The following NDRG3 variants were observed in gnomAD, a reference collection of about 807,000 sequenced individuals.
NDRG3 encodes the protein protein NDRG3.
A neutral mutation model predicts 57.2 loss-of-function variants in NDRG3; 23 were observed. The ratio of observed to expected loss-of-function variants is 0.40; its 90% CI spans 0.29 to 0.57. The LOEUF is 0.57. NDRG3 is among the 20% of genes least tolerant of loss of function. NDRG3 has a pLI of 0.42. For missense variants in NDRG3, 384 were observed against 457.3 expected, an observed-to-expected ratio of 0.84 and a Z score of 1.46; for synonymous variants, 132 against 162.6, an observed-to-expected ratio of 0.81 and a Z score of 1.43.
chr20:36,653,238 T>G lies in NDRG3; in HGVS notation c.*282A>C. 6.4e-6 allele frequency: 2 copies of G among 313,108 alleles called. No individual in the cohort carries two copies. Among genetic ancestry groups the G allele is most frequent in the Non-Finnish European group, 1.2e-5 (2 of 169,226 alleles). The allele number at this position is 313,108 out of a possible 1,614,324, so 19.4% of individuals were successfully genotyped here. A position where few individuals can be genotyped will look rare whatever the true frequency, so the allele number is the denominator to read the frequency against. On this transcript the variant is annotated 3_prime_UTR_variant, in exon 16 of 16. Coordinates refer to ENST00000349004, the MANE Select transcript of NDRG3 (RefSeq NM_032013.4). The surrounding 1 kb of genome is among the most constrained non-coding windows in gnomAD (Gnocchi z 4.2). ...GGATCAAAGAATCTTATCTGATACA[T>G]AGTTGGGGGAGCACGGGAAAAAGCT...
Position 36,656,344 on chromosome 20 carries a change from G to A in NDRG3, c.946+16C>T, listed in dbSNP as rs1158682181. On this transcript the variant is annotated intron_variant, in intron 15 of 15. Coordinates refer to ENST00000349004, the MANE Select transcript of NDRG3 (RefSeq NM_032013.4). ...TTCCTAAATCGTTGCTAGATAGAAA[G>A]TTGTGTACTACTCACTGTAGCCCAT... is the stretch of plus-strand genomic sequence containing the variant. 6.2e-7 allele frequency: 1 copy of A among 1,612,734 alleles called. No individual in the cohort carries two copies. Among genetic ancestry groups the A allele is most frequent in the Non-Finnish European group, 8.5e-7 (1 of 1,179,192 alleles).
At chr20:36,675,787 G>C (rs1471605153) in intron 8 of NDRG3, among the ~76,000 whole-genome samples, 1 of 152,088 alleles carries the variant, frequency 6.6e-6, no homozygotes, top group African/African-American at 2.4e-5. Flanking sequence ...CTCTCAAAGT[G>C]CTGAGATTAC....
At chr20:36,735,979 A>T (rs1229361247) in intron 1 of NDRG3, among the ~76,000 whole-genome samples, 1 of 151,434 alleles carries the variant, frequency 6.6e-6, no homozygotes, top group East Asian at 1.9e-4. Flanking sequence ...TCAAAAAAAA[A>T]AAAAAAAAAA....
In NDRG3 at chr20:36,706,996, TC is replaced by T. The variant is rs1370939645; in HGVS notation, c.68del (p.Arg23LysfsTer13). The T allele has an allele frequency of 6.2e-7, 1 of 1,613,572 alleles. No individual in the cohort carries two copies. Among genetic ancestry groups the T allele is most frequent in the East Asian group, 2.2e-5 (1 of 44,886 alleles). ...CCTGACAGTCAAAGTCCTGGAAGTT[TC>T]TTGTACCATTCTGTCAACAGAAGAC... is the stretch of plus-strand genomic sequence containing the variant. ...KPLLNDKNGT[R>X]NFQDFDCQEH... On this transcript the variant is annotated frameshift_variant, in exon 3 of 16. Coordinates refer to ENST00000349004, the MANE Select transcript of NDRG3 (RefSeq NM_032013.4). LOFTEE classifies it high-confidence loss of function.
chr20:36,738,822 C>CAA (rs1158908616), intron 1 of NDRG3, among the ~76,000 whole-genome samples: 8 of 81,808 alleles, frequency 9.8e-5, no homozygotes, highest in African/African-American at 3.6e-4. Flanking sequence ...AAAACTGTCT[C>CAA]AAAAAAAAAA....
intron 15 of NDRG3, chr20:36,654,825 G>A (rs1344467895): frequency 1.3e-6 from 1 of 779,782 alleles, no homozygotes; most frequent in Admixed American, 1.7e-5. Context: ...AGGTGACTGA[G>A]CTGCACATAC....
chr20:36,708,416 G>A (rs1361383228), intron 2 of NDRG3, among the ~76,000 whole-genome samples: 3 of 151,898 alleles, frequency 2.0e-5, no homozygotes, highest in Non-Finnish European at 2.9e-5. Flanking sequence ...TTGGGAGGCT[G>A]AGGGAAGTGG....
At chr20:36,712,786 GGGTTT>G (rs1187933950) in intron 2 of NDRG3, among the ~76,000 whole-genome samples, 13 of 151,282 alleles carry the variant, frequency 8.6e-5, no homozygotes, top group Non-Finnish European at 1.3e-4. Context: ...AATAGGGACA[GGGTTT>G]CACCATGTTG....
At chr20:36,684,369 G>A (rs1272111816) in intron 6 of NDRG3, 44 bp downstream of exon 6, 24 of 1,495,170 alleles carry the variant, frequency 1.6e-5, no homozygotes, top group Non-Finnish European at 2.2e-5. Context: ...ATTCACCATA[G>A]AAAGTCAATA....
intron 2 of NDRG3, among the ~76,000 whole-genome samples, chr20:36,717,783 A>T (rs956546131): frequency 6.6e-6 from 1 of 152,244 alleles, no homozygotes; most frequent in Non-Finnish European, 1.5e-5. Flanking sequence ...CCTCTATACC[A>T]GTGGTTCTTA....
intron 10 of NDRG3, among the ~76,000 whole-genome samples, chr20:36,665,894 C>T (rs1437832717): frequency 1.3e-5 from 2 of 152,094 alleles, no homozygotes; most frequent in African/African-American, 2.4e-5. Context: ...CCACGCCCAG[C>T]CCTAAGTGTT....
intron 8 of NDRG3, 64 bp from the exon 9 acceptor site, chr20:36,671,461 A>G: frequency 1.6e-6 from 2 of 1,261,516 alleles, no homozygotes; most frequent in Admixed American, 1.8e-5. Flanking sequence ...AAGCTGCCCA[A>G]TTAAAATGAG....
chr20:36,693,056 C>G (rs1419908515), intron 3 of NDRG3, among the ~76,000 whole-genome samples: 1 of 90,682 alleles, frequency 1.1e-5, no homozygotes, highest in Admixed American at 1.7e-4. Context: ...GCCGGGGTGA[C>G]AGCAAGACCC....
At chr20:36,708,540 T>C (rs1442388662) in intron 2 of NDRG3, among the ~76,000 whole-genome samples, 3 of 147,230 alleles carry the variant, frequency 2.0e-5, no homozygotes, top group Non-Finnish European at 3.0e-5. Context: ...CCCAGCTACT[T>C]GAGAGGCTGA....
At chr20:36,745,926 G>C (rs1006272697) in intron 1 of NDRG3, 119 bp downstream of exon 1, 1 of 249,114 alleles carries the variant, frequency 4.0e-6, no homozygotes, top group African/African-American at 2.3e-5. Context: ...AAGCAGCACG[G>C]GCCACCAGGG....
At chr20:36,658,946 T>C (rs1978915920) in intron 13 of NDRG3, among the ~76,000 whole-genome samples, 1 of 151,464 alleles carries the variant, frequency 6.6e-6, no homozygotes, top group Non-Finnish European at 1.5e-5. Context: ...TTAAATCATG[T>C]TGACGAAGTT....
intron 1 of NDRG3, among the ~76,000 whole-genome samples, chr20:36,728,154 C>T (rs371800267): frequency 2.0e-5 from 3 of 151,706 alleles, no homozygotes; most frequent in East Asian, 3.9e-4. Context: ...CCCAAGTTCA[C>T]GCCATTCTCC....
intron 12 of NDRG3, among the ~76,000 whole-genome samples, chr20:36,664,745 A>G (rs751400740): frequency 3.3e-5 from 5 of 152,098 alleles, no homozygotes; most frequent in African/African-American, 4.8e-5. Flanking sequence ...GCTGGAGTGC[A>G]GTGGCACAAT....
At chr20:36,693,236 G>A (rs1412522360) in intron 3 of NDRG3, among the ~76,000 whole-genome samples, 2 of 139,012 alleles carry the variant, frequency 1.4e-5, no homozygotes, top group African/African-American at 5.3e-5. Context: ...GTATATATAT[G>A]TGTGTATATA....
Sources: gnomAD v4.1 joint callset for allele counts (sites outside exome capture counted in the v4.1 genomes callset) on GRCh38, gnomAD v4.1.1 for gene constraint, Gnocchi (gnomAD v3.1) non-coding constraint, MANE v1.5 for transcripts, NCBI Gene and HGNC (gene_info 2026-07-23, HGNC 2026-07-21) for gene names.